The following PCDHA6 variants were observed in gnomAD, a reference collection of about 807,000 sequenced individuals.
The protein encoded by PCDHA6 is protocadherin alpha-6.
PCDHA6 carries 55 observed loss-of-function variants against 60.3 expected under a neutral mutation model. That is an observed-to-expected ratio of 0.91 (90% CI 0.73 to 1.14). The LOEUF (loss-of-function observed/expected upper bound fraction) is 1.14, where lower values mean the gene tolerates loss of function less well. Ranked by LOEUF, PCDHA6 falls within the 50% of genes most tolerant of loss-of-function variation. PCDHA6 has a pLI of 0.00. For synonymous variants in PCDHA6, 652 were observed against 557.9 expected (o/e 1.17, Z -2.38); for missense variants, 1,327 against 1,256.5 (o/e 1.06, Z -0.85).
chr5:140,970,687 CT>C (rs1464659851), intron 1 of PCDHA6, among the ~76,000 whole-genome samples: 1 of 152,078 alleles, frequency 6.6e-6, no homozygotes, highest in Non-Finnish European at 1.5e-5. Flanking sequence ...GTAGAAAGGG[CT>C]TTTAGAGCTA....
chr5:140,962,870 T>C (rs558640798), intron 1 of PCDHA6, among the ~76,000 whole-genome samples: 1 of 152,306 alleles, frequency 6.6e-6, no homozygotes, highest in Admixed American at 6.5e-5. Context: ...TAGAGCAACA[T>C]AAATACATGA....
chr5:140,851,763 C>T (rs1554145528), intron 1 of PCDHA6: 1 of 969,364 alleles, frequency 1.0e-6, no homozygotes, highest in Admixed American at 6.3e-5. Context: ...TAAAACATTA[C>T]CCTTATGAAT....
At position 140,848,431 on chromosome 5, in the gene PCDHA6, A is replaced by T; in HGVS notation, c.2394+17946A>T. On this transcript the variant is annotated intron_variant, in intron 1 of 3. Transcript: ENST00000529310. ...GAACACAGCAGAATGGGACTGACGAAATCAGATGATTTCTTCTAATTTGGA... is the reference window on the plus strand; with the variant it reads ...GAACACAGCAGAATGGGACTGACGATATCAGATGATTTCTTCTAATTTGGA... 2.7e-6 allele frequency: 4 copies of T among 1,467,178 alleles called. 2 individuals are homozygous for T. The highest frequency in any genetic ancestry group is 3.7e-6 in the Non-Finnish European group (4 of 1,073,724). 90.9% of individuals were successfully genotyped at this position (1,467,178 alleles called of 1,614,324 possible). A position where few individuals can be genotyped will look rare whatever the true frequency, so the allele number is the denominator to read the frequency against.
At chr5:140,927,172 G>A (rs782548172) in intron 1 of PCDHA6, 7 of 1,614,034 alleles carry the variant, frequency 4.3e-6, no homozygotes, top group East Asian at 4.5e-5. Context: ...AGCTGCCTGC[G>A]TCTTGACCTA....
chr5:140,862,602 C>T (rs2047444114), intron 1 of PCDHA6: 2 of 514,424 alleles, frequency 3.9e-6, no homozygotes, highest in South Asian at 3.0e-5. Flanking sequence ...ACATGGTGTT[C>T]GTGAAAGGTA....
At chr5:140,911,614 G>C (rs1298073663) in intron 1 of PCDHA6, among the ~76,000 whole-genome samples, 1 of 152,152 alleles carries the variant, frequency 6.6e-6, no homozygotes, top group Non-Finnish European at 1.5e-5. Flanking sequence ...ATGTTCCTTA[G>C]TTCCCCACAT....
At chr5:140,884,320 A>T in intron 1 of PCDHA6, 1 of 1,613,806 alleles carries the variant, frequency 6.2e-7, no homozygotes, top group Non-Finnish European at 8.5e-7. Context: ...GGGCGTCGGC[A>T]GGCGCTGTGG....
In PCDHA6 at chr5:140,877,149, C is replaced by G. The variant is rs2056888845; in HGVS notation, c.2394+46664C>G. The G allele has an allele frequency of 2.5e-6, 4 of 1,613,648 alleles. No individual in the cohort carries two copies. The highest frequency in any genetic ancestry group is 1.1e-5 in the South Asian group (1 of 91,078). On this transcript the variant is annotated intron_variant, in intron 1 of 3. Coordinates refer to ENST00000529310, the MANE Select transcript of PCDHA6 (RefSeq NM_018909.4). ...TGCAGGTGTTCGTGCTGGACGAGAA[C>G]GACAACGCGCCGGCACTGCTGGCGA... is the stretch of plus-strand genomic sequence containing the variant.
chr5:140,968,077 C>A lies in PCDHA6; in HGVS notation c.2395-10872C>A, dbSNP rs1274008262. 2.5e-6 allele frequency: 4 copies of A among 1,614,020 alleles called. No homozygotes were observed. In the African/African-American group the frequency reaches 4.0e-5, roughly 16 times the overall value. On this transcript the variant is annotated intron_variant, in intron 1 of 3. Coordinates refer to ENST00000529310, the MANE Select transcript of PCDHA6 (RefSeq NM_018909.4). ...GAGAGCGGGTGGCTGTCTACAACAT[C>A]ACGGTGACAGCCACAGATGGGGGAA...
rs192086826 is a variant in PCDHA6, at chr5:140,981,520, G to C, written c.2454-955G>C. ...ACCTGGGAGGCAGAGGTTGCAGTGA[G>C]CTGAGATCGTGCCACTGTACTCCAG... On this transcript the variant is annotated intron_variant, in intron 2 of 3. Coordinates refer to ENST00000529310, the MANE Select transcript of PCDHA6 (RefSeq NM_018909.4). Among the ~76,000 whole-genome samples the C allele has an allele frequency of 3.3e-5, 5 of 152,342 alleles. No homozygotes were observed. The East Asian group carries it at 9.6e-4, about 29-fold the overall frequency.
intron 1 of PCDHA6, chr5:140,869,509 A>T (rs199564677): frequency 3.1e-6 from 5 of 1,614,206 alleles, no homozygotes; most frequent in Non-Finnish European, 3.4e-6. Context: ...GTTCTCGCTC[A>T]GAGAACAAAA....
intron 1 of PCDHA6, among the ~76,000 whole-genome samples, chr5:140,903,652 T>C (rs1304934693): frequency 6.6e-6 from 1 of 152,234 alleles, no homozygotes; most frequent in Non-Finnish European, 1.5e-5. Context: ...ATACATATAT[T>C]ATAAATTTAA....
intron 3 of PCDHA6, among the ~76,000 whole-genome samples, chr5:140,983,005 A>G (rs1468544114): frequency 2.0e-5 from 3 of 152,110 alleles, no homozygotes; most frequent in African/African-American, 4.8e-5. Flanking sequence ...AAAGAAAGAA[A>G]AAGGAAGGAA....
At chr5:140,885,453 C>T (rs1269332427) in intron 1 of PCDHA6, among the ~76,000 whole-genome samples, 3 of 152,100 alleles carry the variant, frequency 2.0e-5, no homozygotes, top group African/African-American at 7.2e-5. Flanking sequence ...ATATTATTTA[C>T]CTAATGATGG....
chr5:140,968,232 G>T, intron 1 of PCDHA6: 2 of 1,613,990 alleles, frequency 1.2e-6, no homozygotes, highest in Non-Finnish European at 1.7e-6. Context: ...GTGTTGCTCT[G>T]TACTGTGCAA....
intron 1 of PCDHA6, among the ~76,000 whole-genome samples, chr5:140,904,904 C>G (rs1463349424): frequency 6.6e-6 from 1 of 151,948 alleles, no homozygotes; most frequent in Non-Finnish European, 1.5e-5. Context: ...GTTTTTCTTA[C>G]TGATTTGTTT....
At chr5:140,855,106 T>C (rs1554147619) in intron 1 of PCDHA6, among the ~76,000 whole-genome samples, 1 of 149,974 alleles carries the variant, frequency 6.7e-6, no homozygotes, top group Non-Finnish European at 1.5e-5. Flanking sequence ...GTAGCAATAA[T>C]TAAGGCATTC....
chr5:140,881,579 C>T (rs1299755224), intron 1 of PCDHA6, among the ~76,000 whole-genome samples: 1 of 152,168 alleles, frequency 6.6e-6, no homozygotes, highest in Non-Finnish European at 1.5e-5. Context: ...TCTCAAGTCA[C>T]ATTGAGGGAA....
intron 1 of PCDHA6, among the ~76,000 whole-genome samples, chr5:140,894,069 T>C (rs1209752630): frequency 2.6e-5 from 4 of 152,196 alleles, no homozygotes; most frequent in African/African-American, 9.6e-5. Flanking sequence ...TTTAAATACA[T>C]TTATTTTATT....
Sources: allele counts gnomAD v4.1 joint callset (sites outside exome capture counted in the v4.1 genomes callset), GRCh38; gene constraint gnomAD v4.1.1; transcripts MANE v1.5; gene names NCBI Gene and HGNC (gene_info 2026-07-23, HGNC 2026-07-21).